Variants in OPA3 observed in about 807,000 individuals in gnomAD.
OPA3 encodes outer mitochondrial membrane lipid metabolism regulator OPA3.
In OPA3, 6 loss-of-function variants were observed where a neutral mutation model predicts 4.0. That is an observed-to-expected ratio of 1.51 (90% CI 0.83 to 2.99). The LOEUF (loss-of-function observed/expected upper bound fraction) is 2.99. Among genes scored for constraint, OPA3 ranks in the 30% most tolerant of loss-of-function variants. The pLI is 0.00. For synonymous variants in OPA3, 105 were observed against 117.1 expected, an observed-to-expected ratio of 0.90 and a Z score of 0.67; for missense variants, 235 against 256.2, an observed-to-expected ratio of 0.92 and a Z score of 0.56.
intron 1 of OPA3, among the ~76,000 whole-genome samples, chr19:45,557,885 C>T (rs1478165667): frequency 6.6e-6 from 1 of 152,188 alleles, no homozygotes; most frequent in African/African-American, 2.4e-5. Context: ...CCCAGCACTG[C>T]CCAGTGCCAG....
chr19:45,577,736 C>T (rs754694840), intron 1 of OPA3, among the ~76,000 whole-genome samples: 1 of 152,128 alleles, frequency 6.6e-6, no homozygotes, highest in Non-Finnish European at 1.5e-5. Flanking sequence ...CTCAGGAGTC[C>T]CCTGAAGGGA....
At chr19:45,545,202 C>T (rs1969235546), downstream of OPA3, among the ~76,000 whole-genome samples, 1 of 141,182 alleles carries the variant, frequency 7.1e-6, no homozygotes, top group Admixed American at 7.3e-5. Flanking sequence ...AATAGGAAAT[C>T]AAGACAAGGC....
chr19:45,552,225 T>TC lies in OPA3; in HGVS notation c.*1288_*1289insG. The TC allele has an allele frequency of 1.0e-6, 1 of 984,954 alleles. No individual in the cohort carries two copies. Among genetic ancestry groups the TC allele is most frequent in the Non-Finnish European group, 1.2e-6 (1 of 829,782 alleles). 61.0% of individuals were successfully genotyped at this position (984,954 alleles called of 1,614,324 possible). The stretch of plus-strand genomic sequence containing the variant: ...AGGCCAGGACCTTTTGTGGGTTTTT[T>TC]TAAGATGGAGTTTTGCTCGTTACCC... On this transcript the variant is annotated 3_prime_UTR_variant, in exon 2 of 2. Coordinates refer to ENST00000263275, the MANE Select transcript of OPA3 (RefSeq NM_025136.4).
chr19:45,543,806 C>A (rs1969214618), downstream of OPA3, among the ~76,000 whole-genome samples: 1 of 152,064 alleles, frequency 6.6e-6, no homozygotes, highest in Non-Finnish European at 1.5e-5. Context: ...CTCGTTCACT[C>A]AATATCATTA....
At chr19:45,554,964 G>A (rs915700264) in intron 1 of OPA3, among the ~76,000 whole-genome samples, 5 of 151,880 alleles carry the variant, frequency 3.3e-5, no homozygotes, top group African/African-American at 7.3e-5. Context: ...CTAATTTTTC[G>A]TATTTTTAGT....
chr19:45,564,973 T>G (rs1374210381), intron 1 of OPA3, among the ~76,000 whole-genome samples: 1 of 152,156 alleles, frequency 6.6e-6, no homozygotes, highest in Non-Finnish European at 1.5e-5. Context: ...ACGCCTGTAA[T>G]CCCAGCACTT....
At chr19:45,562,540 T>A (rs1304963382) in intron 1 of OPA3, among the ~76,000 whole-genome samples, 3 of 149,234 alleles carry the variant, frequency 2.0e-5, no homozygotes, top group African/African-American at 4.9e-5. Flanking sequence ...AAAAAAAAGA[T>A]TAGCTGGGTG....
chr19:45,528,879 T>C (rs1439852975), exon 2 of OPA3: 1 of 685,142 alleles, frequency 1.5e-6, no homozygotes, highest in Non-Finnish European at 2.4e-6. Context: ...AAGGTACCAC[T>C]GGGCAGGTTA....
At chr19:45,576,546 C>G (rs978088176) in intron 1 of OPA3, among the ~76,000 whole-genome samples, 19 of 136,282 alleles carry the variant, frequency 1.4e-4, no homozygotes, top group Admixed American at 5.9e-4. Context: ...CCCCCCCCCC[C>G]CAAAAAAAAA....
Position 45,550,954 on chromosome 19 carries a change from A to G in OPA3, c.*2560T>C. The G allele has an allele frequency of 2.0e-6, 2 of 985,584 alleles. No individual in the cohort carries two copies. The highest frequency in any genetic ancestry group is 2.4e-6 in the Non-Finnish European group (2 of 830,036). The allele number at this position is 985,584 out of a possible 1,614,324, so 61.1% of individuals were successfully genotyped here. ...AGGCCAAATGGCCCGCGGGGTTGGCAGGAGTCCCAGGGTACTTTTTTTCTG... is the reference window on the plus strand; with the variant it reads ...AGGCCAAATGGCCCGCGGGGTTGGCGGGAGTCCCAGGGTACTTTTTTTCTG... On this transcript the variant is annotated 3_prime_UTR_variant, in exon 2 of 2. Transcript: ENST00000263275.
intron 1 of OPA3, among the ~76,000 whole-genome samples, chr19:45,576,071 T>C (rs1969762705): frequency 6.6e-6 from 1 of 151,116 alleles, no homozygotes; most frequent in Admixed American, 6.6e-5. Context: ...CCGTCTCTAC[T>C]GATAATACAA....
chr19:45,572,694 CT>C (rs1969701363), intron 1 of OPA3, among the ~76,000 whole-genome samples: 1 of 131,554 alleles, frequency 7.6e-6, no homozygotes, highest in Non-Finnish European at 1.6e-5. Context: ...ATATATCATA[CT>C]ATATATATGA....
In OPA3 at chr19:45,548,747, GAA is replaced by G; in HGVS notation, c.*4765_*4766del. 3 of 979,840 alleles carry G rather than the reference GAA, an allele frequency of 3.1e-6. No homozygotes were observed. Among genetic ancestry groups the G allele is most frequent in the Non-Finnish European group, 3.6e-6 (3 of 825,196 alleles). 60.7% of individuals were successfully genotyped at this position (979,840 alleles called of 1,614,324 possible). On this transcript the variant is annotated 3_prime_UTR_variant, in exon 2 of 2. Coordinates refer to ENST00000263275, the MANE Select transcript of OPA3 (RefSeq NM_025136.4). ...GACCACCTCAGTGAGTTTTTTGAGT[GAA>G]AGAATAAATAAAGGATATTTTTCCT...
In OPA3 at chr19:45,546,782, C is replaced by T. The variant is rs1230413218; in HGVS notation, c.*6732G>A. ...CTGGGCTCAAGCAATTCTCCTATGTCAGCCTCTCATGTAGCTGGGATTACA... is the reference window on the plus strand; with the variant it reads ...CTGGGCTCAAGCAATTCTCCTATGTTAGCCTCTCATGTAGCTGGGATTACA... On this transcript the variant is annotated 3_prime_UTR_variant, in exon 2 of 2. Transcript: ENST00000263275. 1 of 152,176 alleles carries T rather than the reference C, an allele frequency of 6.6e-6. No homozygotes were observed. The highest frequency in any genetic ancestry group is 2.4e-5 in the African/African-American group (1 of 41,444). The allele number at this position is 152,176 out of a possible 1,614,324, so 9.4% of individuals were successfully genotyped here. A position where few individuals can be genotyped will look rare whatever the true frequency, so the allele number is the denominator to read the frequency against.
intron 1 of OPA3, among the ~76,000 whole-genome samples, chr19:45,561,068 T>C (rs972012869): frequency 5.9e-5 from 9 of 152,152 alleles, no homozygotes; most frequent in Non-Finnish European, 1.0e-4. Context: ...GCGCGGTGGC[T>C]CACGCCTGTA....
intron 1 of OPA3, chr19:45,584,219 G>T: frequency 2.3e-6 from 1 of 427,406 alleles, no homozygotes; most frequent in Non-Finnish European, 3.1e-6. Context: ...GGCACACGGT[G>T]CCGCTTTTGA....
chr19:45,542,971 C>T (rs998528489), downstream of OPA3, among the ~76,000 whole-genome samples: 5 of 151,748 alleles, frequency 3.3e-5, no homozygotes, highest in East Asian at 1.9e-4. Context: ...ATGCCCAGCG[C>T]GTGACTTCAC....
intron 1 of OPA3, among the ~76,000 whole-genome samples, chr19:45,574,189 C>G (rs562466626): frequency 6.8e-6 from 1 of 147,890 alleles, no homozygotes; most frequent in East Asian, 2.0e-4. Flanking sequence ...GTCAGGAGAT[C>G]GAGACCATCC....
At position 45,551,398 on chromosome 19, in the gene OPA3, A is replaced by C. The variant is rs1241843173; in HGVS notation, c.*2116T>G. The C allele has an allele frequency of 1.3e-5, 2 of 152,254 alleles. No individual in the cohort carries two copies. The highest frequency in any genetic ancestry group is 2.9e-5 in the Non-Finnish European group (2 of 68,140). 9.4% of individuals were successfully genotyped at this position (152,254 alleles called of 1,614,324 possible). A position where few individuals can be genotyped will look rare whatever the true frequency, so the allele number is the denominator to read the frequency against. On this transcript the variant is annotated 3_prime_UTR_variant, in exon 2 of 2. Coordinates refer to ENST00000263275, the MANE Select transcript of OPA3 (RefSeq NM_025136.4). ...GTTTATTTGGAAAAAGTGTTTTTTC[A>C]GATGTAATTAAGGGTCTTGAGGTGG...
Sources: gnomAD v4.1 joint callset for allele counts (sites outside exome capture counted in the v4.1 genomes callset) on GRCh38, gnomAD v4.1.1 for gene constraint, MANE v1.5 for transcripts, NCBI Gene and HGNC (gene_info 2026-07-23, HGNC 2026-07-21) for gene names.